The following AIF1L variants were observed in gnomAD, a reference collection of about 807,000 sequenced individuals.
The protein encoded by AIF1L is allograft inflammatory factor 1-like.
In AIF1L, 12 loss-of-function variants were observed where a neutral mutation model predicts 20.7. That is an observed-to-expected ratio of 0.58 (90% CI 0.37 to 0.94). The LOEUF (loss-of-function observed/expected upper bound fraction) is 0.94. Ranked by LOEUF, AIF1L falls within the 40% of genes least tolerant of loss-of-function variation. The pLI, the probability that AIF1L is intolerant of heterozygous loss-of-function variation, is 0.01. For missense variants in AIF1L, 173 were observed against 185.3 expected (o/e 0.93, Z 0.39); for synonymous variants, 76 against 65.1 (o/e 1.17, Z -0.81).
intron 2 of AIF1L, 30 bp downstream of exon 2, chr9:131,096,893 G>A: frequency 2.0e-6 from 3 of 1,509,214 alleles, no homozygotes; most frequent in Non-Finnish European, 2.6e-6. Flanking sequence ...CAGCACGCGA[G>A]TCCCGAGCCG....
chr9:131,120,147 A>G lies in AIF1L; in HGVS notation c.366-88A>G, dbSNP rs1377629477. 2.3e-6 allele frequency: 3 copies of G among 1,292,654 alleles called. No individual in the cohort carries two copies. The Admixed American group carries it at 6.0e-5, about 26-fold the overall frequency. The allele number at this position is 1,292,654 out of a possible 1,614,324, so 80.1% of individuals were successfully genotyped here. ...AAATTCTGTTGAGGACCCTGCTGAC[A>G]TGAGGCTGGGATGATCTTTCCCTGG... On this transcript the variant is annotated intron_variant, in intron 5 of 5. Coordinates refer to ENST00000247291, the MANE Select transcript of AIF1L (RefSeq NM_031426.4).
At chr9:131,106,308 C>T in intron 2 of AIF1L, 1 of 1,345,430 alleles carries the variant, frequency 7.4e-7, no homozygotes. Context: ...ACTCATCCTG[C>T]ACATGTTTAT....
At chr9:131,106,068 C>A in intron 2 of AIF1L, 1 of 1,140,844 alleles carries the variant, frequency 8.8e-7, no homozygotes, top group Non-Finnish European at 1.2e-6. Context: ...ATCCTCCCTC[C>A]TCGGGCTCCT....
intron 2 of AIF1L, among the ~76,000 whole-genome samples, chr9:131,103,830 G>A (rs1200572020): frequency 1.3e-5 from 2 of 152,172 alleles, no homozygotes; most frequent in African/African-American, 4.8e-5. Flanking sequence ...AGCTGGAATG[G>A]CAACCCTGGC....
intron 2 of AIF1L, among the ~76,000 whole-genome samples, chr9:131,099,952 C>A (rs1332304617): frequency 6.6e-6 from 1 of 152,066 alleles, no homozygotes; most frequent in Middle Eastern, 3.2e-3. Context: ...GTCTCGAACT[C>A]CTGACCTCAG....
In AIF1L at chr9:131,117,866, T is replaced by TA. The variant is rs1831049405; in HGVS notation, c.314dup (p.Tyr105Ter). The TA allele has an allele frequency of 6.2e-7, 1 of 1,613,570 alleles. No individual in the cohort carries two copies. Among genetic ancestry groups the TA allele is most frequent in the Non-Finnish European group, 8.5e-7 (1 of 1,179,840 alleles). The part of the protein sequence containing the change: ...VTGGVSDTIS[Y>*]RDFVNMMLGK... The stretch of plus-strand genomic sequence containing the variant: ...AGGAGGGGTCAGTGACACTATATCC[T>TA]ACCGAGACTTTGTGAACATGATGCT... The change falls in exon 5 of 6, where the codon TAC becomes TAAC. Residue 105 changes from tyrosine to a stop codon, truncating the protein, a stop_gained and frameshift_variant. Transcript: ENST00000247291. LOFTEE classifies it high-confidence loss of function.
In AIF1L at chr9:131,096,867, A is replaced by C; in HGVS notation, c.93+4A>C. The C allele has an allele frequency of 1.3e-6, 2 of 1,533,460 alleles. No homozygotes were observed. The highest frequency in any genetic ancestry group is 2.0e-5 in the Admixed American group (1 of 48,922). 95.0% of individuals were successfully genotyped at this position (1,533,460 alleles called of 1,614,324 possible). A position where few individuals can be genotyped will look rare whatever the true frequency, so the allele number is the denominator to read the frequency against. ...GAGGCTGGCCGAGATCAACCGGGTA[A>C]GCCCCGCGCCCAGGGCAGCACGCGA... is the stretch of plus-strand genomic sequence containing the variant. On this transcript the variant is annotated splice_donor_region_variant and intron_variant, in intron 2 of 5. Transcript: ENST00000247291.
At chr9:131,110,556 T>G (rs900607238) in intron 2 of AIF1L, among the ~76,000 whole-genome samples, 7 of 150,042 alleles carry the variant, frequency 4.7e-5, no homozygotes, top group Non-Finnish European at 1.0e-4. Flanking sequence ...CAGGCTGGAG[T>G]ACAGTGGCAT....
intron 2 of AIF1L, among the ~76,000 whole-genome samples, chr9:131,101,810 G>A (rs987777207): frequency 1.3e-5 from 2 of 152,142 alleles, no homozygotes; most frequent in Admixed American, 6.6e-5. Flanking sequence ...TGCTTATATC[G>A]ATAAGGATCT....
chr9:131,103,369 C>A (rs377521041), intron 2 of AIF1L, among the ~76,000 whole-genome samples: 1 of 152,154 alleles, frequency 6.6e-6, no homozygotes, highest in Non-Finnish European at 1.5e-5. Flanking sequence ...ACAGCATGGT[C>A]GGTGGGTGAT....
intron 4 of AIF1L, among the ~76,000 whole-genome samples, chr9:131,117,090 C>T (rs1052162586): frequency 1.3e-5 from 2 of 152,140 alleles, no homozygotes; most frequent in Non-Finnish European, 2.9e-5. Context: ...AGCACCGCCT[C>T]GGGCTGGAGT....
At chr9:131,112,839 C>T (rs1183385428) in intron 3 of AIF1L, among the ~76,000 whole-genome samples, 1 of 152,146 alleles carries the variant, frequency 6.6e-6, no homozygotes, top group African/African-American at 2.4e-5. Context: ...GTCTGCATAC[C>T]AGCGTGGCCA....
chr9:131,115,557 C>T (rs1830992534), intron 4 of AIF1L, among the ~76,000 whole-genome samples: 1 of 151,920 alleles, frequency 6.6e-6, no homozygotes, highest in Admixed American at 6.6e-5. Context: ...GAACAGTTTC[C>T]CCCTTTTCCA....
intron 1 of AIF1L, 40 bp downstream of exon 1, chr9:131,096,700 G>T (rs994499143): frequency 1.4e-6 from 2 of 1,450,030 alleles, no homozygotes; most frequent in East Asian, 2.9e-5. Flanking sequence ...TGTGCGCGCC[G>T]GGCGGACCGC....
chr9:131,107,288 TG>T (rs57771300), intron 2 of AIF1L, among the ~76,000 whole-genome samples: 1,869 of 152,300 alleles, frequency 0.012, 43 homozygotes, highest in African/African-American at 0.043. Flanking sequence ...CATCCCTGCC[TG>T]GTTGGTCTGT....
chr9:131,099,624 G>C (rs1830595043), intron 2 of AIF1L, among the ~76,000 whole-genome samples: 1 of 152,224 alleles, frequency 6.6e-6, no homozygotes, highest in African/African-American at 2.4e-5. Flanking sequence ...CAGCTTGGCT[G>C]GCAGATCTAG....
At chr9:131,120,160 G>A in intron 5 of AIF1L, 75 bp from the exon 6 acceptor site, 1 of 1,422,182 alleles carries the variant, frequency 7.0e-7, no homozygotes, top group Non-Finnish European at 9.8e-7. Context: ...AGGCTGGGAT[G>A]ATCTTTCCCT....
chr9:131,097,877 C>T (rs80048197), intron 2 of AIF1L, among the ~76,000 whole-genome samples: 7,849 of 152,352 alleles, frequency 0.052, 289 homozygotes, highest in East Asian at 0.11. Flanking sequence ...ACTCACAGAA[C>T]TAGCATTATT....
At position 131,117,724 on chromosome 9, in the gene AIF1L, TC is replaced by T. The variant is rs778247028; in HGVS notation, c.203-30del. ...CCCTGCTAAGCCCCAGCAGCCCATC[TC>T]CACTTAACAGATCTGCTTTTCCCCC... On this transcript the variant is annotated intron_variant, in intron 4 of 5. Coordinates refer to ENST00000247291, the MANE Select transcript of AIF1L (RefSeq NM_031426.4). The T allele has an allele frequency of 3.8e-6, 6 of 1,560,700 alleles. No individual in the cohort carries two copies. The South Asian group carries it at 7.2e-5, about 19-fold the overall frequency.
Sources: gnomAD v4.1 joint callset for allele counts (sites outside exome capture counted in the v4.1 genomes callset) on GRCh38, gnomAD v4.1.1 for gene constraint, MANE v1.5 for transcripts, NCBI Gene and HGNC (gene_info 2026-07-23, HGNC 2026-07-21) for gene names.